RALGPS2: variants seen among roughly 807,000 people sequenced by gnomAD.
RALGPS2 encodes Ral GEF with PH domain and SH3 binding motif 2.
Under a neutral mutation model 86.8 loss-of-function variants are expected in RALGPS2, and 43 were observed. The ratio of observed to expected loss-of-function variants is 0.50; its 90% CI spans 0.39 to 0.64. The LOEUF (loss-of-function observed/expected upper bound fraction) is 0.64. RALGPS2 is among the 30% of genes least tolerant of loss of function. RALGPS2 has a pLI of 0.00. For synonymous variants in RALGPS2, 243 were observed against 231.3 expected (o/e 1.05, Z -0.46); for missense variants, 536 against 694.6 (o/e 0.77, Z 2.57).
At chr1:178,861,340 A>C (rs998096419) in intron 8 of RALGPS2, among the ~76,000 whole-genome samples, 2 of 152,198 alleles carry the variant, frequency 1.3e-5, no homozygotes, top group Non-Finnish European at 2.9e-5. Context: ...TGTTAAAGAA[A>C]GTTTCACTGG....
At chr1:178,913,748 A>G (rs1456382210) in intron 19 of RALGPS2, among the ~76,000 whole-genome samples, 1 of 152,182 alleles carries the variant, frequency 6.6e-6, no homozygotes, top group East Asian at 1.9e-4. Context: ...CAGAGAACCA[A>G]GGTTCAGCTT....
At chr1:178,726,619 C>T (rs904242302) in intron 1 of RALGPS2, among the ~76,000 whole-genome samples, 1 of 151,908 alleles carries the variant, frequency 6.6e-6, no homozygotes, top group Admixed American at 6.6e-5. Context: ...ACACAAGCAG[C>T]AGTTAATTGA....
At chr1:178,777,740 A>G (rs1653168093) in intron 2 of RALGPS2, among the ~76,000 whole-genome samples, 2 of 152,326 alleles carry the variant, frequency 1.3e-5, no homozygotes, top group Admixed American at 1.3e-4. Flanking sequence ...ATAACACCGC[A>G]TATCTACAAC....
At chr1:178,814,454 A>G (rs1321711203) in intron 6 of RALGPS2, among the ~76,000 whole-genome samples, 1 of 152,048 alleles carries the variant, frequency 6.6e-6, no homozygotes, top group Admixed American at 6.5e-5. Context: ...CTTTTTTTAG[A>G]CAGGATCTTG....
chr1:178,782,052 A>G (rs932834963), intron 2 of RALGPS2, among the ~76,000 whole-genome samples: 9 of 152,178 alleles, frequency 5.9e-5, no homozygotes, highest in South Asian at 2.1e-4. Context: ...CTGAAAATCA[A>G]TAACTCCTCT....
At chr1:178,823,416 A>G (rs1572368509) in intron 7 of RALGPS2, among the ~76,000 whole-genome samples, 1 of 152,292 alleles carries the variant, frequency 6.6e-6, no homozygotes. Flanking sequence ...TAAATTACAA[A>G]TAAATAAATG....
rs189085810 is a variant in RALGPS2 at position 178,749,174 on chromosome 1, C to G, written c.-84+23755C>G. Among the ~76,000 whole-genome samples the G allele has an allele frequency of 1.3e-3, 194 of 152,162 alleles. 2 individuals carry two copies. Among genetic ancestry groups the G allele is most frequent in the African/African-American group, 4.3e-3 (178 of 41,510 alleles). On this transcript the variant is annotated intron_variant, in intron 1 of 19. Coordinates refer to ENST00000367635, the MANE Select transcript of RALGPS2 (RefSeq NM_152663.5). ...TCTTTTGTTTTTGGACCAAATAAAG[C>G]TGTTTTTAAAATTTTTTTTTAATTC...
At chr1:178,869,428 G>A (rs1203915912) in intron 8 of RALGPS2, 2 of 152,008 alleles carry the variant, frequency 1.3e-5, no homozygotes, top group Admixed American at 1.3e-4. Context: ...CTAATCCCCT[G>A]GATATATTTA....
rs547308796 is a variant in RALGPS2, at chr1:178,891,771, A to G, written c.1248-459A>G. On this transcript the variant is annotated intron_variant, in intron 14 of 19. Transcript: ENST00000367635. ...TAAAGAGGAAAATAAAGTTTTCCTCATGAGTTTACAAGCCACATTGCTTTT... is the reference window on the plus strand; with the variant it reads ...TAAAGAGGAAAATAAAGTTTTCCTCGTGAGTTTACAAGCCACATTGCTTTT... Among the ~76,000 whole-genome samples the G allele has an allele frequency of 2.2e-4, 33 of 152,210 alleles. 1 individual carries two copies. Among genetic ancestry groups the G allele is most frequent in the Admixed American group, 2.0e-3 (31 of 15,276 alleles).
chr1:178,780,116 T>C (rs1299665237), intron 2 of RALGPS2, among the ~76,000 whole-genome samples: 1 of 152,178 alleles, frequency 6.6e-6, no homozygotes, highest in African/African-American at 2.4e-5. Flanking sequence ...AGTTACAATC[T>C]TATATAACGT....
At chr1:178,859,516 G>A (rs1048144500) in intron 8 of RALGPS2, among the ~76,000 whole-genome samples, 2 of 144,462 alleles carry the variant, frequency 1.4e-5, no homozygotes, top group African/African-American at 2.6e-5. Flanking sequence ...CAATTTTCCT[G>A]CCTCAGCCTC....
At chr1:178,771,837 T>G (rs192264724) in intron 1 of RALGPS2, among the ~76,000 whole-genome samples, 1 of 152,222 alleles carries the variant, frequency 6.6e-6, no homozygotes, top group Non-Finnish European at 1.5e-5. Context: ...AGCAGTATAT[T>G]ATAAATATTT....
At chr1:178,840,928 C>G (rs1251949106) in intron 8 of RALGPS2, among the ~76,000 whole-genome samples, 1 of 152,178 alleles carries the variant, frequency 6.6e-6, no homozygotes, top group East Asian at 1.9e-4. Flanking sequence ...TGGACACATA[C>G]ACCCTCCCAA....
chr1:178,768,254 G>C (rs1396629681), intron 1 of RALGPS2, among the ~76,000 whole-genome samples: 2 of 152,146 alleles, frequency 1.3e-5, no homozygotes, highest in African/African-American at 2.4e-5. Context: ...ACTGTATTCA[G>C]ATTTTTCATG....
intron 7 of RALGPS2, among the ~76,000 whole-genome samples, chr1:178,828,608 AG>A (rs1241820040): frequency 6.6e-6 from 1 of 152,232 alleles, no homozygotes; most frequent in African/African-American, 2.4e-5. Flanking sequence ...AAATGGGCAA[AG>A]GATCTGAATA....
chr1:178,892,684 T>G (rs897352004), intron 15 of RALGPS2, among the ~76,000 whole-genome samples: 26 of 152,156 alleles, frequency 1.7e-4, no homozygotes, highest in Non-Finnish European at 7.4e-5. Context: ...ATATTTGATT[T>G]GTCTTTTTAA....
At chr1:178,780,148 T>C (rs1160868181) in intron 2 of RALGPS2, among the ~76,000 whole-genome samples, 1 of 152,236 alleles carries the variant, frequency 6.6e-6, no homozygotes, top group East Asian at 1.9e-4. Context: ...TGACATCTCA[T>C]CTCCTTTTCC....
At chr1:178,805,613 TTA>T (rs1452814325) in intron 4 of RALGPS2, among the ~76,000 whole-genome samples, 2 of 152,150 alleles carry the variant, frequency 1.3e-5, no homozygotes, top group African/African-American at 4.8e-5. Context: ...TTTGAGGAAT[TTA>T]TGTCTGTTTT....
chr1:178,832,804 G>C (rs1420132482), intron 7 of RALGPS2, among the ~76,000 whole-genome samples: 1 of 147,644 alleles, frequency 6.8e-6, no homozygotes, highest in Non-Finnish European at 1.5e-5. Flanking sequence ...AACTCCCCTT[G>C]ATTATTTACA....
Sources: allele counts gnomAD v4.1 joint callset (sites outside exome capture counted in the v4.1 genomes callset), GRCh38; gene constraint gnomAD v4.1.1; transcripts MANE v1.5; gene names NCBI Gene and HGNC (gene_info 2026-07-23, HGNC 2026-07-21).